The following SBF2 variants were observed in gnomAD, a reference collection of about 807,000 sequenced individuals.
SBF2 encodes the protein SET binding factor 2.
In SBF2, 112 loss-of-function variants were observed where a neutral mutation model predicts 225.2. The ratio of observed to expected loss-of-function variants is 0.50; its 90% confidence interval spans 0.43 to 0.58. The LOEUF (loss-of-function observed/expected upper bound fraction) is 0.58, where lower values mean the gene tolerates loss of function less well. Among genes scored for constraint, SBF2 ranks in the 20% least tolerant of loss-of-function variants. The pLI, the probability that SBF2 is intolerant of heterozygous loss-of-function variation, is 0.00. For synonymous variants in SBF2, 763 were observed against 773.3 expected, an observed-to-expected ratio of 0.99 and a Z score of 0.22; for missense variants, 1,996 against 2,206.2, an observed-to-expected ratio of 0.90 and a Z score of 1.91.
intron 13 of SBF2, among the ~76,000 whole-genome samples, chr11:9,982,389 A>C (rs1463186672): frequency 6.6e-6 from 1 of 152,214 alleles, no homozygotes; most frequent in Non-Finnish European, 1.5e-5. Context: ...TTCATAACAC[A>C]CTGACTGACA....
chr11:10,160,781 A>G (rs1955694436), intron 2 of SBF2, among the ~76,000 whole-genome samples: 1 of 152,036 alleles, frequency 6.6e-6, no homozygotes, highest in Admixed American at 6.6e-5. Context: ...TCATATCTGT[A>G]CCTCTGCACA....
At chr11:9,855,408 T>C (rs1857246936) in intron 19 of SBF2, among the ~76,000 whole-genome samples, 1 of 152,140 alleles carries the variant, frequency 6.6e-6, no homozygotes, top group Admixed American at 6.5e-5. Flanking sequence ...AAGAAGAGCT[T>C]GGAAGAGGAA....
Position 10,129,318 on chromosome 11 carries a change from G to C in SBF2, c.141+64584C>G, listed in dbSNP as rs1370314801. 3.5e-5 allele frequency among the ~76,000 whole-genome samples: 5 copies of C among 144,378 alleles called. No individual in the cohort carries two copies. The East Asian group carries it at 1.0e-3, about 30-fold the overall frequency. The allele number at this position is 144,378 out of a possible 152,430, so 94.7% of individuals were successfully genotyped here. ...GGGGTTTCGTCCTGTTGGCCAGGCTGGTCTCGAACTCCTGACCTCAAGTGA... is the reference window on the plus strand; with the variant it reads ...GGGGTTTCGTCCTGTTGGCCAGGCTCGTCTCGAACTCCTGACCTCAAGTGA... On this transcript the variant is annotated intron_variant, in intron 2 of 39. Coordinates refer to ENST00000256190, the MANE Select transcript of SBF2 (RefSeq NM_030962.4).
At chr11:9,818,894 G>T (rs373588543) in intron 28 of SBF2, among the ~76,000 whole-genome samples, 11 of 151,620 alleles carry the variant, frequency 7.3e-5, no homozygotes, top group African/African-American at 2.7e-4. Context: ...GCTAATTTTT[G>T]TATTTTTAGT....
At chr11:10,294,878 C>A (rs1964437254), upstream of SBF2, among the ~76,000 whole-genome samples, 1 of 152,248 alleles carries the variant, frequency 6.6e-6, no homozygotes, top group African/African-American at 2.4e-5. Flanking sequence ...CCCCGCACGC[C>A]TCGGCTTGCT....
rs1035674517 is a variant in SBF2, at chr11:10,075,738, T to C, written c.142-32757A>G. 1.1e-4 allele frequency among the ~76,000 whole-genome samples: 16 copies of C among 152,064 alleles called. No individual in the cohort carries two copies. In the South Asian group the frequency reaches 2.9e-3, roughly 28 times the overall value. On this transcript the variant is annotated intron_variant, in intron 2 of 39. Transcript: ENST00000256190. The stretch of plus-strand genomic sequence containing the variant: ...TACAGCCAGACTGTGGAACTGTGAG[T>C]CAATTAAACCTCTTTTCTTTATAAA...
chr11:10,229,636 T>A (rs1958739719), intron 1 of SBF2, among the ~76,000 whole-genome samples: 1 of 152,238 alleles, frequency 6.6e-6, no homozygotes, highest in Non-Finnish European at 1.5e-5. Context: ...AGTGAGTTTC[T>A]TAATCCTGAG....
At chr11:10,198,457 T>C (rs960669153) in intron 1 of SBF2, among the ~76,000 whole-genome samples, 1 of 152,226 alleles carries the variant, frequency 6.6e-6, no homozygotes, top group African/African-American at 2.4e-5. Flanking sequence ...CATCCAGGCA[T>C]TGTTGTCCCA....
At chr11:10,230,065 T>C (rs1236705862) in intron 1 of SBF2, among the ~76,000 whole-genome samples, 1 of 152,204 alleles carries the variant, frequency 6.6e-6, no homozygotes, top group Admixed American at 6.5e-5. Flanking sequence ...TACCATTATG[T>C]AATGGCCTTC....
chr11:10,154,084 GTCT>G (rs1411628259), intron 2 of SBF2, among the ~76,000 whole-genome samples: 2 of 151,938 alleles, frequency 1.3e-5, no homozygotes, highest in African/African-American at 4.8e-5. Context: ...ATTACAATGT[GTCT>G]TCAAGTTAAT....
At position 9,779,653 on chromosome 11, in the gene SBF2, AT is replaced by A. The variant is rs1708022936; in HGVS notation, c.*764del. On this transcript the variant is annotated 3_prime_UTR_variant, in exon 40 of 40. Coordinates refer to ENST00000256190, the MANE Select transcript of SBF2 (RefSeq NM_030962.4). ...GTGCATTCAGCTTTTTTTGCATGTT[AT>A]TTTGAAAAAGAAGCTGTCAGGAAGC... The A allele has an allele frequency of 6.5e-6, 1 of 152,830 alleles. No individual in the cohort carries two copies. The highest frequency in any genetic ancestry group is 2.4e-5 in the African/African-American group (1 of 41,434). 9.5% of individuals were successfully genotyped at this position (152,830 alleles called of 1,614,324 possible).
At chr11:9,854,910 G>A (rs772652739) in intron 19 of SBF2, among the ~76,000 whole-genome samples, 1 of 152,168 alleles carries the variant, frequency 6.6e-6, no homozygotes, top group African/African-American at 2.4e-5. Context: ...TAAAAGAAAT[G>A]TAAAATATAG....
At chr11:9,922,416 C>T (rs1863703473) in intron 16 of SBF2, among the ~76,000 whole-genome samples, 1 of 152,152 alleles carries the variant, frequency 6.6e-6, no homozygotes, top group East Asian at 1.9e-4. Flanking sequence ...TGTTATTTTG[C>T]ACATAGTTTA....
intron 27 of SBF2, 76 bp downstream of exon 27, chr11:9,832,148 C>T: frequency 7.4e-7 from 1 of 1,349,384 alleles, no homozygotes; most frequent in Non-Finnish European, 1.1e-6. Context: ...GGCACCATTC[C>T]CAGATTTTAC....
Position 9,831,031 on chromosome 11 carries a change from T to C in SBF2, c.3652+1193A>G, listed in dbSNP as rs144634199. Among the ~76,000 whole-genome samples the C allele has an allele frequency of 4.2e-3, 645 of 152,286 alleles. 7 individuals carry two copies. Among genetic ancestry groups the C allele is most frequent in the African/African-American group, 0.014 (597 of 41,558 alleles). ...TCATTTTTTTTGAGACAGGGTCTTA[T>C]TCTTTCACTCAGGGTGGAGTGCAGT... On this transcript the variant is annotated intron_variant, in intron 27 of 39. Transcript: ENST00000256190.
chr11:10,212,566 A>T (rs998885698), intron 1 of SBF2, among the ~76,000 whole-genome samples: 1 of 152,228 alleles, frequency 6.6e-6, no homozygotes, highest in African/African-American at 2.4e-5. Context: ...ATCTATAGGT[A>T]TTAGACATTA....
intron 1 of SBF2, among the ~76,000 whole-genome samples, chr11:10,260,208 T>G (rs914865080): frequency 3.3e-5 from 5 of 152,218 alleles, no homozygotes; most frequent in Non-Finnish European, 5.9e-5. Context: ...GAAGTCTGCA[T>G]TATTTGTATT....
At chr11:10,231,556 AG>A (rs1958846895) in intron 1 of SBF2, among the ~76,000 whole-genome samples, 1 of 151,946 alleles carries the variant, frequency 6.6e-6, no homozygotes, top group Non-Finnish European at 1.5e-5. Context: ...GGTCTGTTGG[AG>A]TTTGCTGGAG....
chr11:9,995,535 G>A (rs535927083), intron 9 of SBF2, among the ~76,000 whole-genome samples: 85 of 152,156 alleles, frequency 5.6e-4, no homozygotes, highest in African/African-American at 1.8e-3. Context: ...AATTATTTAC[G>A]AATGAAACAA....
Sources: gnomAD v4.1 joint callset for allele counts (sites outside exome capture counted in the v4.1 genomes callset) on GRCh38, gnomAD v4.1.1 for gene constraint, MANE v1.5 for transcripts, NCBI Gene and HGNC (gene_info 2026-07-23, HGNC 2026-07-21) for gene names.